The following CLMP variants were observed in gnomAD, a reference collection of about 807,000 sequenced individuals.
CLMP encodes CXADR-like membrane protein.
A neutral mutation model predicts 45.2 loss-of-function variants in CLMP; 27 were observed. That is an observed-to-expected ratio of 0.60 (90% CI 0.44 to 0.82). CLMP has a LOEUF of 0.82. Among genes scored for constraint, CLMP ranks in the 40% least tolerant of loss-of-function variants. The pLI is 0.00. For synonymous variants in CLMP, 167 were observed against 171.4 expected, an observed-to-expected ratio of 0.97 and a Z score of 0.20; for missense variants, 403 against 448.4, an observed-to-expected ratio of 0.90 and a Z score of 0.91.
chr11:123,150,455 G>GAAAGAAAGAAAGAA (rs1565397311), intron 1 of CLMP, among the ~76,000 whole-genome samples: 1 of 93,066 alleles, frequency 1.1e-5, no homozygotes, highest in Non-Finnish European at 2.2e-5. Context: ...AAGAAAGAAA[G>GAAAGAAAGAAAGAA]AAAGAAAGAA....
intron 1 of CLMP, among the ~76,000 whole-genome samples, chr11:123,149,898 G>A (rs1388017158): frequency 5.3e-5 from 8 of 150,506 alleles, no homozygotes; most frequent in African/African-American, 2.0e-4. Context: ...TGCAACCTCC[G>A]CTCCCGGGTT....
chr11:123,074,716 T>C lies in CLMP; in HGVS notation c.807A>G (p.Arg269=). Residue 269 remains arginine (R), a synonymous_variant, in exon 6 of 7, where the codon AGA becomes AGG. Transcript: ENST00000448775. ...KDKERYEEEE[R]PNEIREDAEA... is the part of the protein sequence containing the mutation. The stretch of plus-strand genomic sequence containing the variant: ...GGGAGGTTTACCGAATTTCATTAGG[T>C]CTCTCTTCTTCCTCATATCTTTCTT... 1 of 1,613,998 alleles carries C rather than the reference T, an allele frequency of 6.2e-7. No homozygotes were observed. Among genetic ancestry groups the C allele is most frequent in the Non-Finnish European group, 8.5e-7 (1 of 1,179,984 alleles).
At chr11:123,075,973 G>C (rs1865734920) in intron 5 of CLMP, among the ~76,000 whole-genome samples, 1 of 152,084 alleles carries the variant, frequency 6.6e-6, no homozygotes, top group Non-Finnish European at 1.5e-5. Flanking sequence ...AGGAGTTCGA[G>C]ACCGGCCTGG....
chr11:123,095,792 A>G (rs558953392), intron 2 of CLMP, among the ~76,000 whole-genome samples: 2 of 152,286 alleles, frequency 1.3e-5, no homozygotes, highest in African/African-American at 4.8e-5. Context: ...TGTAGGCAGG[A>G]TAGGGTAATA....
chr11:123,171,739 C>T (rs1017346338), intron 1 of CLMP, among the ~76,000 whole-genome samples: 3 of 152,050 alleles, frequency 2.0e-5, no homozygotes, highest in East Asian at 1.9e-4. Context: ...CCACCGCGCT[C>T]GGCCTGTTGG....
At chr11:123,184,511 C>G (rs1401729854) in intron 1 of CLMP, among the ~76,000 whole-genome samples, 2 of 152,156 alleles carry the variant, frequency 1.3e-5, no homozygotes, top group Non-Finnish European at 2.9e-5. Flanking sequence ...ACAGGGTGAA[C>G]CTGGCGAGGC....
chr11:123,180,056 T>C (rs1861749089), intron 1 of CLMP, among the ~76,000 whole-genome samples: 1 of 152,184 alleles, frequency 6.6e-6, no homozygotes, highest in South Asian at 2.1e-4. Flanking sequence ...TTGAATAACA[T>C]TAACTTATGG....
chr11:123,078,657 T>G (rs1176748096), intron 5 of CLMP, among the ~76,000 whole-genome samples: 9 of 150,582 alleles, frequency 6.0e-5, no homozygotes, highest in African/African-American at 1.5e-4. Context: ...TGTTTTTTTT[T>G]TTTTTGAGAC....
intron 1 of CLMP, among the ~76,000 whole-genome samples, chr11:123,184,658 A>C (rs1023795042): frequency 6.6e-6 from 1 of 152,260 alleles, no homozygotes; most frequent in Non-Finnish European, 1.5e-5. Flanking sequence ...AGAAGGAGTC[A>C]GTCAACATTG....
rs1286079172 is a variant in CLMP at position 123,071,231 on chromosome 11, T to C, written c.*2243A>G. The C allele has an allele frequency of 6.6e-6, 1 of 152,200 alleles. No homozygotes were observed. The highest frequency in any genetic ancestry group is 1.5e-5 in the Non-Finnish European group (1 of 68,088). 9.4% of individuals were successfully genotyped at this position (152,200 alleles called of 1,614,324 possible). ...GGTGGATCACCTGAGGTCAGGCGTT[T>C]TGAGACCAGCCTGGTCAACATGGCG... On this transcript the variant is annotated 3_prime_UTR_variant, in exon 7 of 7. Coordinates refer to ENST00000448775, the MANE Select transcript of CLMP (RefSeq NM_024769.5).
chr11:123,161,199 G>A (rs1301500113), intron 1 of CLMP, among the ~76,000 whole-genome samples: 1 of 152,214 alleles, frequency 6.6e-6, no homozygotes, highest in Non-Finnish European at 1.5e-5. Context: ...TGTAAGAGCA[G>A]TGCTTTAAGA....
At chr11:123,150,459 GAAAGAAAGAAAGA>G (rs1861301736) in intron 1 of CLMP, among the ~76,000 whole-genome samples, 2 of 97,842 alleles carry the variant, frequency 2.0e-5, no homozygotes, top group Non-Finnish European at 4.3e-5. Flanking sequence ...AAGAAAGAAA[GAAAGAAAGAAAGA>G]AAGAAAGAAA....
At chr11:123,127,925 G>C (rs911650546) in intron 1 of CLMP, among the ~76,000 whole-genome samples, 2 of 151,124 alleles carry the variant, frequency 1.3e-5, no homozygotes, top group African/African-American at 4.9e-5. Context: ...TGTAATCCCA[G>C]ACTCAGGAGG....
rs1453415599 is a variant in CLMP, at chr11:123,070,022, A to G, written c.*3452T>C. Reference sequence around the variant, plus strand: ...TATAAACAGCTTAACACCAGAAGGAAGCAAAACTATATATGTCTTTTTGCA... The same window carrying G: ...TATAAACAGCTTAACACCAGAAGGAGGCAAAACTATATATGTCTTTTTGCA... On this transcript the variant is annotated 3_prime_UTR_variant, in exon 7 of 7. Transcript: ENST00000448775. 6.6e-6 allele frequency: 1 copy of G among 152,256 alleles called. No homozygotes were observed. The highest frequency in any genetic ancestry group is 2.4e-5 in the African/African-American group (1 of 41,478). 9.4% of individuals were successfully genotyped at this position (152,256 alleles called of 1,614,324 possible).
At chr11:123,167,350 A>ATT in intron 1 of CLMP, among the ~76,000 whole-genome samples, 1 of 152,054 alleles carries the variant, frequency 6.6e-6, no homozygotes, top group Non-Finnish European at 1.5e-5. Flanking sequence ...CAGTGGCACG[A>ATT]TCTTGGCTCA....
At position 123,119,056 on chromosome 11, in the gene CLMP, T is replaced by C. The variant is rs7951532; in HGVS notation, c.29-21104A>G. ...CTCTCTCTCTCTCTCCCTCTCCCTC[T>C]CTCTCTCTCTCTCTCTCTCTCTCTC... On this transcript the variant is annotated intron_variant, in intron 1 of 6. Transcript: ENST00000448775. Among the ~76,000 whole-genome samples the C allele has an allele frequency of 9.9e-3, 268 of 27,018 alleles. 28 individuals are homozygous for C. The highest frequency in any genetic ancestry group is 0.023 in the African/African-American group (59 of 2,614). The allele number at this position is 27,018 out of a possible 152,430, so 17.7% of individuals were successfully genotyped here.
chr11:123,074,959 G>GTTT lies in CLMP; in HGVS notation c.680-119_680-117dup, dbSNP rs113357442. ...GAGTATTTGCAGGTTTGTTTGTTTT[G>GTTT]TTTTTTTTTTTTTGAGACGGAGTTT... On this transcript the variant is annotated intron_variant, in intron 5 of 6. Transcript: ENST00000448775. 1.6e-3 allele frequency: 1,521 copies of GTTT among 943,280 alleles called. 1 individual carries two copies. The East Asian group carries it at 0.019, about 12-fold the overall frequency. The allele number at this position is 943,280 out of a possible 1,614,324, so 58.4% of individuals were successfully genotyped here.
chr11:123,135,733 A>G (rs906459386), intron 1 of CLMP, among the ~76,000 whole-genome samples: 1 of 152,190 alleles, frequency 6.6e-6, no homozygotes, highest in Non-Finnish European at 1.5e-5. Context: ...GCTCAGGAAT[A>G]CTATTGTCGC....
At chr11:123,174,460 CTAAAGCTCTAT>C (rs1861673976) in intron 1 of CLMP, among the ~76,000 whole-genome samples, 1 of 152,228 alleles carries the variant, frequency 6.6e-6, no homozygotes, top group Non-Finnish European at 1.5e-5. Context: ...CATCTGGACA[CTAAAGCTCTAT>C]CTCCCAAAAT....
Sources: allele counts gnomAD v4.1 joint callset (sites outside exome capture counted in the v4.1 genomes callset), GRCh38; gene constraint gnomAD v4.1.1; transcripts MANE v1.5; gene names NCBI Gene and HGNC (gene_info 2026-07-23, HGNC 2026-07-21).